HDAC9: variants seen among roughly 807,000 people sequenced by gnomAD.
HDAC9 encodes MEF-2 interacting transcription repressor (MITR) protein.
Under a neutral mutation model 139.4 loss-of-function variants are expected in HDAC9, and 41 were observed. The observed-to-expected ratio is 0.29, with a 90% CI of 0.23 to 0.38. The LOEUF (loss-of-function observed/expected upper bound fraction) is 0.38. HDAC9 is among the 10% of genes least tolerant of loss of function. The probability of loss-of-function intolerance (pLI) is 1.00; values close to 1 mark genes in which losing one functional copy is unlikely to be tolerated. For missense variants in HDAC9, 1,147 were observed against 1,297.0 expected, an observed-to-expected ratio of 0.88 and a Z score of 1.78; for synonymous variants, 517 against 476.2, an observed-to-expected ratio of 1.09 and a Z score of -1.12.
intron 1 of HDAC9, among the ~76,000 whole-genome samples, chr7:18,149,443 C>T (rs2128117742): frequency 6.7e-6 from 1 of 149,516 alleles, no homozygotes; most frequent in Non-Finnish European, 1.5e-5. Context: ...GTAGCCTTGG[C>T]CTCCTGGGCT....
intron 13 of HDAC9, among the ~76,000 whole-genome samples, chr7:18,739,780 A>G (rs1349148847): frequency 1.3e-5 from 2 of 152,234 alleles, no homozygotes; most frequent in African/African-American, 4.8e-5. Flanking sequence ...CCGTGCTGGG[A>G]GAACCACTTC....
At chr7:18,876,660 T>C (rs1339585745) in intron 22 of HDAC9, among the ~76,000 whole-genome samples, 1 of 152,088 alleles carries the variant, frequency 6.6e-6, no homozygotes, top group Non-Finnish European at 1.5e-5. Flanking sequence ...TTCTGTATTT[T>C]TTCCATTAAA....
intron 1 of HDAC9, among the ~76,000 whole-genome samples, chr7:18,140,993 A>G (rs950007885): frequency 2.6e-5 from 4 of 151,808 alleles, no homozygotes; most frequent in Admixed American, 1.3e-4. Flanking sequence ...AATGAGCAGC[A>G]TTTTTATTTA....
chr7:18,987,955 C>T (rs930665143), intron 25 of HDAC9, among the ~76,000 whole-genome samples: 8 of 80,670 alleles, frequency 9.9e-5, no homozygotes, highest in South Asian at 4.0e-4. Context: ...GATTCTTCTC[C>T]CTTTTCTTCT....
At position 18,691,762 on chromosome 7, in the gene HDAC9, A is replaced by T. The variant is rs951431522; in HGVS notation, c.1731+25286A>T. On this transcript the variant is annotated intron_variant, in intron 12 of 25. Coordinates refer to ENST00000686413, the MANE Select transcript of HDAC9 (RefSeq NM_178425.4). ...ATTAACCTGTGTGTAATTTTTTTCC[A>T]CAATAGATAGAATTCAAGCTAACAT... is the stretch of plus-strand genomic sequence containing the variant. 2.0e-5 allele frequency among the ~76,000 whole-genome samples: 3 copies of T among 152,052 alleles called. No individual in the cohort carries two copies. The East Asian group carries it at 5.8e-4, about 29-fold the overall frequency.
intron 1 of HDAC9, among the ~76,000 whole-genome samples, chr7:18,473,356 C>T (rs772947710): frequency 6.6e-5 from 10 of 152,146 alleles, no homozygotes; most frequent in African/African-American, 1.2e-4. Context: ...GACTTGTTTT[C>T]GATTCTTTCT....
intron 1 of HDAC9, among the ~76,000 whole-genome samples, chr7:18,147,314 T>C (rs950024139): frequency 3.3e-5 from 5 of 152,256 alleles, no homozygotes; most frequent in African/African-American, 1.2e-4. Context: ...AAAGGAAAAA[T>C]AAAAATACAC....
At chr7:18,396,000 G>T (rs1411459058) in intron 1 of HDAC9, among the ~76,000 whole-genome samples, 1 of 151,696 alleles carries the variant, frequency 6.6e-6, no homozygotes, top group African/African-American at 2.4e-5. Context: ...ATTCTATTAG[G>T]AAGGATGTAG....
intron 6 of HDAC9, among the ~76,000 whole-genome samples, chr7:18,596,426 A>G (rs962926603): frequency 3.3e-5 from 5 of 152,134 alleles, no homozygotes; most frequent in African/African-American, 1.2e-4. Flanking sequence ...TGTATTTCCA[A>G]TTCCATTATG....
intron 12 of HDAC9, among the ~76,000 whole-genome samples, chr7:18,687,603 G>A (rs1023867077): frequency 6.6e-6 from 1 of 151,682 alleles, no homozygotes; most frequent in African/African-American, 2.4e-5. Flanking sequence ...GCAATATTCA[G>A]GTATCTTTGA....
intron 2 of HDAC9, among the ~76,000 whole-genome samples, chr7:18,241,117 G>C (rs1229621772): frequency 6.6e-6 from 1 of 152,146 alleles, no homozygotes; most frequent in African/African-American, 2.4e-5. Context: ...AAGGCCAGGG[G>C]ACCCCAGCTA....
At chr7:18,738,208 T>C (rs1381051937) in intron 13 of HDAC9, among the ~76,000 whole-genome samples, 4 of 152,216 alleles carry the variant, frequency 2.6e-5, no homozygotes, top group African/African-American at 7.2e-5. Context: ...CTTGACTCAT[T>C]GTCCAATTTG....
At chr7:18,445,790 A>C (rs1295896885) in intron 1 of HDAC9, among the ~76,000 whole-genome samples, 1 of 152,216 alleles carries the variant, frequency 6.6e-6, no homozygotes, top group Non-Finnish European at 1.5e-5. Context: ...ATCAGCCAAA[A>C]AGATAGTTGA....
intron 1 of HDAC9, among the ~76,000 whole-genome samples, chr7:18,448,809 A>C (rs1269142145): frequency 1.3e-5 from 2 of 152,124 alleles, no homozygotes; most frequent in South Asian, 4.1e-4. Context: ...CTTGGACTGC[A>C]AGGCTCCTGA....
At chr7:18,835,860 T>G (rs968738348) in intron 20 of HDAC9, 40 bp from the exon 21 acceptor site, 1 of 1,352,416 alleles carries the variant, frequency 7.4e-7, no homozygotes, top group Admixed American at 2.1e-5. Flanking sequence ...TTCCATTTGC[T>G]CTCTTCTCTG....
At chr7:18,713,881 G>T (rs1210494130) in intron 12 of HDAC9, among the ~76,000 whole-genome samples, 2 of 149,892 alleles carry the variant, frequency 1.3e-5, no homozygotes, top group Admixed American at 1.3e-4. Flanking sequence ...TTGTTATAAC[G>T]TATTTTGGTA....
intron 1 of HDAC9, among the ~76,000 whole-genome samples, chr7:18,333,507 A>T (rs1023878820): frequency 2.6e-5 from 4 of 151,498 alleles, no homozygotes; most frequent in Non-Finnish European, 5.9e-5. Flanking sequence ...TGTCATCAGG[A>T]TATAAACCTC....
intron 22 of HDAC9, among the ~76,000 whole-genome samples, chr7:18,886,159 G>C (rs561675806): frequency 6.6e-6 from 1 of 151,582 alleles, no homozygotes; most frequent in Admixed American, 6.6e-5. Flanking sequence ...CTCCATGTTC[G>C]CTCTTACTCT....
chr7:18,236,173 T>A (rs773199977), intron 2 of HDAC9, among the ~76,000 whole-genome samples: 2 of 152,298 alleles, frequency 1.3e-5, no homozygotes, highest in East Asian at 3.9e-4. Context: ...GTGGCTCTCA[T>A]TGCATGATCC....
Sources: allele counts gnomAD v4.1 joint callset (sites outside exome capture counted in the v4.1 genomes callset), GRCh38; gene constraint gnomAD v4.1.1; transcripts MANE v1.5; gene names NCBI Gene and HGNC (gene_info 2026-07-23, HGNC 2026-07-21).